The following WEE2 variants were observed in gnomAD, a reference collection of about 807,000 sequenced individuals.
WEE2 encodes the protein WEE2 oocyte meiosis inhibiting kinase.
WEE2 carries 50 observed loss-of-function variants against 60.1 expected under a neutral mutation model. The observed-to-expected ratio is 0.83, with a 90% CI of 0.66 to 1.05. The LOEUF is 1.05. Ranked by LOEUF, WEE2 falls within the 50% of genes least tolerant of loss-of-function variation. The probability of loss-of-function intolerance (pLI) is 0.00; values close to 1 mark genes in which losing one functional copy is unlikely to be tolerated. For synonymous variants in WEE2, 240 were observed against 241.0 expected (o/e 1.00, Z 0.04); for missense variants, 631 against 684.3 (o/e 0.92, Z 0.87).
rs902864250 is a variant in WEE2, at chr7:141,723,287, G to A, written c.1027+7G>A. 2 of 1,612,296 alleles carry A rather than the reference G, an allele frequency of 1.2e-6. No individual in the cohort carries two copies. The highest frequency in any genetic ancestry group is 1.7e-6 in the Non-Finnish European group (2 of 1,179,226). Reference sequence around the variant, plus strand: ...CACCTGGACATCAAACCTAGTCAGTGTGATTCCCTTCTGCCACTTCTACCG... The same window carrying A: ...CACCTGGACATCAAACCTAGTCAGTATGATTCCCTTCTGCCACTTCTACCG... On this transcript the variant is annotated splice_region_variant and intron_variant, in intron 6 of 11. Transcript: ENST00000397541.
intron 3 of WEE2, among the ~76,000 whole-genome samples, 159 bp downstream of exon 3, chr7:141,716,426 A>C (rs527918831): frequency 5.7e-4 from 38 of 66,614 alleles, no homozygotes; most frequent in African/African-American, 1.0e-3. Flanking sequence ...TTCACCCTGC[A>C]CCCTCCCTCC....
rs1799121048 is a variant in WEE2, at chr7:141,730,500, T to C, written c.*180T>C. 1 of 581,318 alleles carries C rather than the reference T, an allele frequency of 1.7e-6. No individual in the cohort carries two copies. Among genetic ancestry groups the C allele is most frequent in the Non-Finnish European group, 3.1e-6 (1 of 325,744 alleles). 36.0% of individuals were successfully genotyped at this position (581,318 alleles called of 1,614,324 possible). A position where few individuals can be genotyped will look rare whatever the true frequency, so the allele number is the denominator to read the frequency against. Reference sequence around the variant, plus strand: ...TTTCCACAGCGCTTCCCAGGTTATATGATGCTGTTCCTAAGAGAGAATTCC... The same window carrying C: ...TTTCCACAGCGCTTCCCAGGTTATACGATGCTGTTCCTAAGAGAGAATTCC... On this transcript the variant is annotated 3_prime_UTR_variant, in exon 12 of 12. Transcript: ENST00000397541.
At chr7:141,719,978 G>A (rs117378185) in intron 4 of WEE2, among the ~76,000 whole-genome samples, 2,444 of 152,112 alleles carry the variant, frequency 0.016, 33 homozygotes, top group Middle Eastern at 0.031. Flanking sequence ...ACATGCAAGG[G>A]AAAATGAAAG....
In WEE2 at chr7:141,713,580, A is replaced by G. The variant is rs148384769; in HGVS notation, c.343-629A>G. On this transcript the variant is annotated intron_variant, in intron 1 of 11. Coordinates refer to ENST00000397541, the MANE Select transcript of WEE2 (RefSeq NM_001105558.1). ...GCTTAGAGTACTAATTTTCAATCTC[A>G]TTACCGCACTTCATGAAGCACTTCT... Among the ~76,000 whole-genome samples, 498 of 152,318 alleles carry G rather than the reference A, an allele frequency of 3.3e-3. 4 individuals are homozygous for G. Among genetic ancestry groups the G allele is most frequent in the African/African-American group, 0.012 (483 of 41,568 alleles).
chr7:141,710,218 G>A (rs904093404), intron 1 of WEE2, among the ~76,000 whole-genome samples: 1 of 152,194 alleles, frequency 6.6e-6, no homozygotes, highest in East Asian at 1.9e-4. Context: ...CAGTCTAGCA[G>A]AGAGAGAGTA....
chr7:141,708,954 C>T lies in WEE2; in HGVS notation c.196C>T (p.Leu66Phe). Residue 66 changes from leucine to phenylalanine, a missense_variant, in exon 1 of 12, where the codon CTC becomes TTC. By Grantham distance (22) the Leu-to-Phe change is conservative (BLOSUM62 0). Transcript: ENST00000397541. The part of the protein sequence containing the change: ...PWTPLSNVHE[L>F]DTSSEKDKES... ...GACTCCCCTTAGCAACGTGCATGAG[C>T]TCGACACATCTTCGGAAAAAGACAA... 1 of 1,614,132 alleles carries T rather than the reference C, an allele frequency of 6.2e-7. No individual in the cohort carries two copies. The highest frequency in any genetic ancestry group is 8.5e-7 in the Non-Finnish European group (1 of 1,180,016).
chr7:141,719,855 C>T (rs1172211222), intron 4 of WEE2, among the ~76,000 whole-genome samples: 1 of 152,172 alleles, frequency 6.6e-6, no homozygotes, highest in African/African-American at 2.4e-5. Flanking sequence ...GAATTGTCCT[C>T]TGGTGTCTGT....
chr7:141,724,792 C>T (rs1321293353), intron 8 of WEE2, among the ~76,000 whole-genome samples: 1 of 152,208 alleles, frequency 6.6e-6, no homozygotes, highest in Non-Finnish European at 1.5e-5. Flanking sequence ...CTGAGCCTGA[C>T]AGCAAAATGG....
At chr7:141,720,141 C>CTTTTGTTTTTT (rs1798883550) in intron 4 of WEE2, among the ~76,000 whole-genome samples, 1 of 64,178 alleles carries the variant, frequency 1.6e-5, no homozygotes, top group East Asian at 6.7e-4. Flanking sequence ...TAGAATTCCT[C>CTTTTGTTTTTT]TTTTTTTTTT....
chr7:141,724,134 T>G, intron 7 of WEE2, 56 bp from the exon 8 acceptor site: 3 of 1,583,432 alleles, frequency 1.9e-6, no homozygotes, highest in Non-Finnish European at 2.6e-6. Context: ...AAGAAAGACA[T>G]GCTTTTAAAG....
intron 2 of WEE2, among the ~76,000 whole-genome samples, chr7:141,715,908 T>C (rs1034718852): frequency 6.6e-6 from 1 of 152,234 alleles, no homozygotes; most frequent in East Asian, 1.9e-4. Flanking sequence ...CTCCAGCACA[T>C]GGTGTTTTAC....
At chr7:141,726,493 C>T (rs971882024) in intron 9 of WEE2, among the ~76,000 whole-genome samples, 2 of 152,168 alleles carry the variant, frequency 1.3e-5, no homozygotes, top group South Asian at 2.1e-4. Flanking sequence ...TTCTTCCTGA[C>T]TTCTTTTGCT....
chr7:141,720,795 T>G, intron 4 of WEE2, 140 bp from the exon 5 acceptor site: 11 of 933,572 alleles, frequency 1.2e-5, no homozygotes, highest in Non-Finnish European at 1.8e-5. Flanking sequence ...TAAGATTCAA[T>G]GAGATAAAAT....
intron 5 of WEE2, among the ~76,000 whole-genome samples, chr7:141,722,391 T>TG (rs2117117763): frequency 6.6e-6 from 1 of 151,786 alleles, no homozygotes; most frequent in East Asian, 1.9e-4. Context: ...GGTGACAGAG[T>TG]GAGACTCCGT....
intron 10 of WEE2, among the ~76,000 whole-genome samples, chr7:141,728,862 G>A (rs1799071562): frequency 6.6e-6 from 1 of 152,160 alleles, no homozygotes; most frequent in Admixed American, 6.5e-5. Context: ...AGGGATCTAG[G>A]TTGTGTACTC....
At chr7:141,721,449 TG>T in intron 5 of WEE2, among the ~76,000 whole-genome samples, 1 of 152,214 alleles carries the variant, frequency 6.6e-6, no homozygotes, top group East Asian at 1.9e-4. Flanking sequence ...CACTTTGTCT[TG>T]GAGTGACTTC....
At chr7:141,721,511 T>G (rs1338497014) in intron 5 of WEE2, among the ~76,000 whole-genome samples, 1 of 152,076 alleles carries the variant, frequency 6.6e-6, no homozygotes, top group African/African-American at 2.4e-5. Flanking sequence ...TAGGCTGGAG[T>G]GCAATGGTGT....
intron 1 of WEE2, 113 bp from the exon 2 acceptor site, chr7:141,714,096 T>C (rs981410597): frequency 2.3e-6 from 2 of 875,824 alleles, no homozygotes; most frequent in East Asian, 2.5e-5. Context: ...AACCAGATAA[T>C]TTCTAAGGCC....
At chr7:141,714,104 G>C in intron 1 of WEE2, 105 bp from the exon 2 acceptor site, 1 of 937,998 alleles carries the variant, frequency 1.1e-6, no homozygotes, top group Non-Finnish European at 1.6e-6. Context: ...AATTTCTAAG[G>C]CCCCTTCAGC....
Sources: gnomAD v4.1 joint callset for allele counts (sites outside exome capture counted in the v4.1 genomes callset) on GRCh38, gnomAD v4.1.1 for gene constraint, MANE v1.5 for transcripts, NCBI Gene and HGNC (gene_info 2026-07-23, HGNC 2026-07-21) for gene names.